GALM: variants seen among roughly 807,000 people sequenced by gnomAD.
The protein encoded by GALM is aldose 1-epimerase.
Under a neutral mutation model 37.4 loss-of-function variants are expected in GALM, and 43 were observed. That is an observed-to-expected ratio of 1.15 (90% CI 0.90 to 1.48). The LOEUF is 1.48. Among genes scored for constraint, GALM ranks in the 40% most tolerant of loss-of-function variants. The pLI, the probability that GALM is intolerant of heterozygous loss-of-function variation, is 0.00. For missense variants in GALM, 456 were observed against 419.1 expected, an observed-to-expected ratio of 1.09 and a Z score of -0.77; for synonymous variants, 199 against 170.6, an observed-to-expected ratio of 1.17 and a Z score of -1.30.
chr2:38,720,414 TAAAAAAAAA>T (rs34372976), intron 4 of GALM, among the ~76,000 whole-genome samples: 1 of 92,866 alleles, frequency 1.1e-5, no homozygotes, highest in African/African-American at 4.4e-5. Flanking sequence ...ACTTCTATGT[TAAAAAAAAA>T]AAAAAAAAAA....
At chr2:38,676,796 C>G (rs1461790066) in intron 2 of GALM, among the ~76,000 whole-genome samples, 1 of 152,130 alleles carries the variant, frequency 6.6e-6, no homozygotes, top group Non-Finnish European at 1.5e-5. Flanking sequence ...AATAAAGGGC[C>G]ACATGACTCC....
chr2:38,682,242 T>C (rs761317269), intron 3 of GALM: 2 of 454,696 alleles, frequency 4.4e-6, no homozygotes, highest in Non-Finnish European at 4.4e-6. Flanking sequence ...CTCCTAAAGG[T>C]AACAGTTTAG....
At chr2:38,699,934 C>G (rs1665882308) in intron 4 of GALM, among the ~76,000 whole-genome samples, 1 of 152,040 alleles carries the variant, frequency 6.6e-6, no homozygotes, top group Non-Finnish European at 1.5e-5. Context: ...GTAAATGTCT[C>G]TTTGTTAGTC....
Position 38,734,494 on chromosome 2 carries a change from C to G in GALM, c.*929C>G, listed in dbSNP as rs1666667335. On this transcript the variant is annotated 3_prime_UTR_variant, in exon 7 of 7. Transcript: ENST00000272252. The stretch of plus-strand genomic sequence containing the variant: ...AGCCTTTGGGTTAACTGAGAAAGCA[C>G]AGCCCGGCCAACGCTTGGGAAGAAA... 1 of 150,558 alleles carries G rather than the reference C, an allele frequency of 6.6e-6. No homozygotes were observed. Among genetic ancestry groups the G allele is most frequent in the African/African-American group, 2.5e-5 (1 of 40,738 alleles). 9.3% of individuals were successfully genotyped at this position (150,558 alleles called of 1,614,324 possible).
chr2:38,720,859 TGA>T (rs573613431), intron 4 of GALM, among the ~76,000 whole-genome samples: 2 of 151,494 alleles, frequency 1.3e-5, no homozygotes, highest in South Asian at 2.1e-4. Context: ...GCAAATGTCT[TGA>T]GAGAGAGAGA....
rs1558575539 is a variant in GALM, at chr2:38,670,656, A to G, written c.190+4305A>G. Among the ~76,000 whole-genome samples, 3 of 152,192 alleles carry G rather than the reference A, an allele frequency of 2.0e-5. No individual in the cohort carries two copies. In the South Asian group the frequency reaches 6.2e-4, roughly 32 times the overall value. On this transcript the variant is annotated intron_variant, in intron 1 of 6. Transcript: ENST00000272252. The stretch of plus-strand genomic sequence containing the variant: ...CTAACCATATCTGACCACATATTTG[A>G]TACGTCTCTGATCAGAGGGAGCAAC...
chr2:38,688,955 A>T (rs1321241701), intron 3 of GALM, among the ~76,000 whole-genome samples: 1 of 152,034 alleles, frequency 6.6e-6, no homozygotes, highest in East Asian at 1.9e-4. Context: ...TGAGTAGCTG[A>T]GATTACAGGC....
chr2:38,715,309 C>A (rs1666246868), intron 4 of GALM, among the ~76,000 whole-genome samples: 1 of 152,158 alleles, frequency 6.6e-6, no homozygotes, highest in African/African-American at 2.4e-5. Flanking sequence ...TTTTAAAATT[C>A]TTTAAGCAAG....
intron 4 of GALM, among the ~76,000 whole-genome samples, chr2:38,718,188 T>C (rs1301160030): frequency 1.9e-5 from 2 of 106,698 alleles, no homozygotes; most frequent in African/African-American, 6.5e-5. Flanking sequence ...TATTTCTTTT[T>C]TTCTTTTCTT....
At chr2:38,704,909 A>G (rs1253544031) in intron 4 of GALM, among the ~76,000 whole-genome samples, 1 of 152,144 alleles carries the variant, frequency 6.6e-6, no homozygotes, top group Non-Finnish European at 1.5e-5. Flanking sequence ...AATGGTCACA[A>G]GATCATTTTT....
chr2:38,728,373 G>A (rs1218487552), intron 4 of GALM, among the ~76,000 whole-genome samples: 11 of 149,216 alleles, frequency 7.4e-5, no homozygotes, highest in Non-Finnish European at 1.2e-4. Context: ...CAGCCTGGGC[G>A]ACGAGCAAAA....
At chr2:38,699,158 C>T (rs1244844751) in intron 4 of GALM, among the ~76,000 whole-genome samples, 1 of 152,144 alleles carries the variant, frequency 6.6e-6, no homozygotes, top group Non-Finnish European at 1.5e-5. Flanking sequence ...AGGTGATCTG[C>T]CCACCTCGGC....
intron 6 of GALM, among the ~76,000 whole-genome samples, chr2:38,733,275 C>A (rs116706933): frequency 6.0e-5 from 9 of 151,170 alleles, no homozygotes; most frequent in African/African-American, 2.2e-4. Context: ...CAACACACTG[C>A]TTCCCTTCAT....
rs1216345232 is a variant in GALM at position 38,681,918 on chromosome 2, G to C, written c.552+432G>C. On this transcript the variant is annotated intron_variant, in intron 3 of 6. Transcript: ENST00000272252. ...ATGTGTGTGCTTCCCCTGTGAGCCT[G>C]CCAGCTCCTCCCAGGGGTTTGGGTG... Among the ~76,000 whole-genome samples the C allele has an allele frequency of 2.0e-5, 3 of 152,224 alleles. No individual in the cohort carries two copies. In the East Asian group the frequency reaches 5.8e-4, roughly 29 times the overall value.
At chr2:38,730,220 C>G (rs534439434) in intron 5 of GALM, among the ~76,000 whole-genome samples, 3 of 152,318 alleles carry the variant, frequency 2.0e-5, no homozygotes, top group Admixed American at 2.0e-4. Flanking sequence ...CTAATATCAT[C>G]CTTGGCACTA....
chr2:38,669,299 G>T (rs1449407845), intron 1 of GALM: 1 of 152,242 alleles, frequency 6.6e-6, no homozygotes, highest in Non-Finnish European at 1.5e-5. Flanking sequence ...TAGAAAAGCA[G>T]TGTGAAAATC....
chr2:38,703,485 C>T (rs532479633), intron 4 of GALM, among the ~76,000 whole-genome samples: 1 of 152,084 alleles, frequency 6.6e-6, no homozygotes, highest in South Asian at 2.1e-4. Flanking sequence ...TTCTGCCATC[C>T]ACTAGCTATG....
At chr2:38,717,304 G>GGTGT (rs1558593942) in intron 4 of GALM, among the ~76,000 whole-genome samples, 1 of 107,826 alleles carries the variant, frequency 9.3e-6, no homozygotes, top group Admixed American at 9.7e-5. Context: ...CTGTATTAAG[G>GGTGT]GAGTGTGTGT....
At chr2:38,714,543 CTTGGCTCTCAAGCAGAGCCAAG>C (rs1000939394) in intron 4 of GALM, among the ~76,000 whole-genome samples, 1 of 152,130 alleles carries the variant, frequency 6.6e-6, no homozygotes, top group African/African-American at 2.4e-5. Flanking sequence ...GTGTAACCCA[CTTGGCTCTCAAGCAGAGCCAAG>C]TGTAGAGAAA....
Sources: gnomAD v4.1 joint callset for allele counts (sites outside exome capture counted in the v4.1 genomes callset) on GRCh38, gnomAD v4.1.1 for gene constraint, MANE v1.5 for transcripts, NCBI Gene and HGNC (gene_info 2026-07-23, HGNC 2026-07-21) for gene names.